ITGA11: variants seen among roughly 807,000 people sequenced by gnomAD.
The protein encoded by ITGA11 is integrin alpha-11.
ITGA11 carries 97 observed loss-of-function variants against 141.9 expected under a neutral mutation model. That is an observed-to-expected ratio of 0.68 (90% CI 0.58 to 0.81). The LOEUF is 0.81. Among genes scored for constraint, ITGA11 ranks in the 30% least tolerant of loss-of-function variants. The probability of loss-of-function intolerance (pLI) is 0.00; values close to 1 mark genes in which losing one functional copy is unlikely to be tolerated. For synonymous variants in ITGA11, 658 were observed against 624.6 expected (o/e 1.05, Z -0.80); for missense variants, 1,387 against 1,559.2 (o/e 0.89, Z 1.86).
rs1434110410 is a variant in ITGA11, at chr15:68,298,096, G to A, written c.*4963C>T. The A allele has an allele frequency of 1.3e-5, 2 of 152,202 alleles. No homozygotes were observed. The highest frequency in any genetic ancestry group is 2.4e-5 in the African/African-American group (1 of 41,450). The allele number at this position is 152,202 out of a possible 1,614,324, so 9.4% of individuals were successfully genotyped here. On this transcript the variant is annotated 3_prime_UTR_variant, in exon 30 of 30. Transcript: ENST00000315757. ...TAAAACATTTTTTTCTTTGTTTCAA[G>A]TAATGTCTGCTGTATATGACAGATC... is the stretch of plus-strand genomic sequence containing the variant.
rs1478347143 is a variant in ITGA11, at chr15:68,351,272, T to G, written c.880A>C (p.Arg294=). The part of the protein sequence containing the change: ...IQQSERDNVT[R]YAVAVLGYYN... Reference sequence around the variant, plus strand: ...CCAGGACTTACGGCCACCGCATATCTTGTTACGTTGTCTCTTTCGCTTTGC... The same window carrying G: ...CCAGGACTTACGGCCACCGCATATCGTGTTACGTTGTCTCTTTCGCTTTGC... The change falls in exon 8 of 30, where the codon AGA becomes CGA. Residue 294 remains arginine, a synonymous_variant. Transcript: ENST00000315757. 2.5e-6 allele frequency: 4 copies of G among 1,614,026 alleles called. No individual in the cohort carries two copies. The highest frequency in any genetic ancestry group is 1.3e-5 in the African/African-American group (1 of 75,058).
intron 3 of ITGA11, among the ~76,000 whole-genome samples, chr15:68,368,168 G>C (rs1895485722): frequency 6.6e-6 from 1 of 152,178 alleles, no homozygotes; most frequent in African/African-American, 2.4e-5. Flanking sequence ...CGCCCAGTGA[G>C]ACCCTGCTGC....
intron 1 of ITGA11, among the ~76,000 whole-genome samples, chr15:68,413,028 T>C (rs774633786): frequency 9.9e-5 from 15 of 152,166 alleles, no homozygotes; most frequent in Non-Finnish European, 1.5e-5. Flanking sequence ...AATAATCTAT[T>C]AGCCTCCAAA....
intron 2 of ITGA11, among the ~76,000 whole-genome samples, chr15:68,400,282 T>C (rs900437196): frequency 6.6e-5 from 10 of 151,702 alleles, no homozygotes; most frequent in East Asian, 1.9e-4. Context: ...GGATGAATCA[T>C]TGACCTAAAT....
At chr15:68,354,353 T>G (rs1595874514) in intron 7 of ITGA11, among the ~76,000 whole-genome samples, 1 of 152,128 alleles carries the variant, frequency 6.6e-6, no homozygotes, top group East Asian at 1.9e-4. Flanking sequence ...TCAGGGGCCC[T>G]CTCCACTTCC....
intron 2 of ITGA11, among the ~76,000 whole-genome samples, chr15:68,396,714 T>C (rs370565990): frequency 4.0e-5 from 6 of 150,806 alleles, no homozygotes; most frequent in Admixed American, 6.7e-5. Context: ...TAAATGACTT[T>C]AGTAAAGTTG....
At chr15:68,342,997 TTCTCTCTCTCTCTC>T (rs6145615) in intron 10 of ITGA11, among the ~76,000 whole-genome samples, 26,059 of 143,696 alleles carry the variant, frequency 0.18, 2,363 homozygotes, top group Non-Finnish European at 0.21. Flanking sequence ...GGGCAAGTTC[TTCTCTCTCTCTCTC>T]TCTCTCTCTC....
At chr15:68,368,860 C>CTTTTTTT (rs34788905) in intron 3 of ITGA11, among the ~76,000 whole-genome samples, 1 of 134,852 alleles carries the variant, frequency 7.4e-6, no homozygotes. Flanking sequence ...ACAGGAAGTC[C>CTTTTTTT]TTTTTTTTTT....
chr15:68,389,078 C>T (rs966543037), intron 2 of ITGA11, among the ~76,000 whole-genome samples: 7 of 152,054 alleles, frequency 4.6e-5, no homozygotes, highest in African/African-American at 1.5e-4. Flanking sequence ...CCATGCTGTC[C>T]CCTCCATCTG....
At chr15:68,405,727 GGAGA>G (rs79675693) in intron 1 of ITGA11, among the ~76,000 whole-genome samples, 6 of 151,480 alleles carry the variant, frequency 4.0e-5, no homozygotes, top group East Asian at 3.9e-4. Context: ...ATGTCACAGA[GGAGA>G]GAGAGAGAGA....
At chr15:68,392,235 G>A (rs1896139772) in intron 2 of ITGA11, among the ~76,000 whole-genome samples, 2 of 152,186 alleles carry the variant, frequency 1.3e-5, no homozygotes, top group Non-Finnish European at 2.9e-5. Context: ...AAAAGAATAT[G>A]AAAGAGGGCT....
At position 68,326,643 on chromosome 15, in the gene ITGA11, T is replaced by C; in HGVS notation, c.2211+11A>G. The C allele has an allele frequency of 6.3e-7, 1 of 1,582,280 alleles. No homozygotes were observed. The highest frequency in any genetic ancestry group is 8.6e-7 in the Non-Finnish European group (1 of 1,163,954). ...GGAGCTTGGGCTCTGCTGGTGGGGCTGCCAGCTTACCAGGACATGGAAGTT... is the reference window on the plus strand; with the variant it reads ...GGAGCTTGGGCTCTGCTGGTGGGGCCGCCAGCTTACCAGGACATGGAAGTT... On this transcript the variant is annotated intron_variant, in intron 17 of 29. Coordinates refer to ENST00000315757, the MANE Select transcript of ITGA11 (RefSeq NM_001004439.2). This position sits in a 1 kb window ranked among gnomAD's most constrained non-coding sequence, Gnocchi z 6.8.
At chr15:68,411,581 T>C (rs956068023) in intron 1 of ITGA11, among the ~76,000 whole-genome samples, 1 of 152,156 alleles carries the variant, frequency 6.6e-6, no homozygotes, top group Non-Finnish European at 1.5e-5. Flanking sequence ...GGCACAGCGA[T>C]CCCGTAACTT....
chr15:68,312,705 C>T, intron 24 of ITGA11, 68 bp downstream of exon 24: 3 of 1,190,148 alleles, frequency 2.5e-6, no homozygotes, highest in Non-Finnish European at 3.7e-6. Context: ...TTCCACATTC[C>T]TCCCCTCCAG....
rs554277376 is a variant in ITGA11, at chr15:68,360,801, A to T, written c.472+789T>A. Among the ~76,000 whole-genome samples, 5 of 152,170 alleles carry T rather than the reference A, an allele frequency of 3.3e-5. No individual in the cohort carries two copies. In the South Asian group the frequency reaches 1.0e-3, roughly 32 times the overall value. ...CCATGTCTCATTATCCCCCAGAAAG[A>T]CGACCTTTCTGCCCCTGCTGGACTG... is the stretch of plus-strand genomic sequence containing the variant. On this transcript the variant is annotated intron_variant, in intron 5 of 29. Coordinates refer to ENST00000315757, the MANE Select transcript of ITGA11 (RefSeq NM_001004439.2).
At chr15:68,314,320 G>T (rs1453057868) in intron 22 of ITGA11, among the ~76,000 whole-genome samples, 1 of 152,272 alleles carries the variant, frequency 6.6e-6, no homozygotes, top group South Asian at 2.1e-4. Context: ...GACTGACCGG[G>T]GGCAGCTCCT....
intron 5 of ITGA11, among the ~76,000 whole-genome samples, chr15:68,359,301 C>T (rs1190943159): frequency 6.6e-6 from 1 of 152,116 alleles, no homozygotes; most frequent in East Asian, 1.9e-4. Flanking sequence ...AGCTCTCGTG[C>T]CATTATCTCT....
chr15:68,431,239 C>CG (rs1897263362), intron 1 of ITGA11, among the ~76,000 whole-genome samples: 1 of 152,236 alleles, frequency 6.6e-6, no homozygotes. Flanking sequence ...AGGTTCCTGC[C>CG]GCGCCCCGAC....
chr15:68,337,215 A>T (rs1161940091), intron 11 of ITGA11, among the ~76,000 whole-genome samples: 1 of 152,156 alleles, frequency 6.6e-6, no homozygotes, highest in Non-Finnish European at 1.5e-5. Flanking sequence ...ATGGGTCAGC[A>T]TTCAAAGTTC....
Sources: gnomAD v4.1 joint callset for allele counts (sites outside exome capture counted in the v4.1 genomes callset) on GRCh38, gnomAD v4.1.1 for gene constraint, Gnocchi (gnomAD v3.1) non-coding constraint, MANE v1.5 for transcripts, NCBI Gene and HGNC (gene_info 2026-07-23, HGNC 2026-07-21) for gene names.